EWSR1: variants seen among roughly 807,000 people sequenced by gnomAD.
The protein encoded by EWSR1 is RNA-binding protein EWS.
Under a neutral mutation model 92.1 loss-of-function variants are expected in EWSR1, and 14 were observed. The ratio of observed to expected loss-of-function variants is 0.15; its 90% CI spans 0.10 to 0.24. EWSR1 has a LOEUF of 0.24. EWSR1 is among the 10% of genes least tolerant of loss of function. EWSR1 has a pLI of 1.00. For synonymous variants in EWSR1, 303 were observed against 292.9 expected, an observed-to-expected ratio of 1.03 and a Z score of -0.35; for missense variants, 637 against 870.9, an observed-to-expected ratio of 0.73 and a Z score of 3.38.
chr22:29,298,586 A>G, intron 13 of EWSR1, 147 bp from the exon 14 acceptor site: 1 of 914,118 alleles, frequency 1.1e-6, no homozygotes. Context: ...AAGGGGGCTG[A>G]TGGCCTGAGC....
At chr22:29,274,293 C>T in intron 4 of EWSR1, 1 of 1,613,598 alleles carries the variant, frequency 6.2e-7, no homozygotes, top group Non-Finnish European at 8.5e-7. Context: ...GTTTGACTAT[C>T]CTGCTCATTC....
chr22:29,292,169 G>A lies in EWSR1; in HGVS notation c.1045G>A (p.Gly349Ser). The part of the protein sequence containing the change: ...PMDEGPDLDL[G>S]PPVDPDEDSD... The stretch of plus-strand genomic sequence containing the variant: ...GGATGAAGGACCAGATCTTGATCTA[G>A]GTAATTTTGAATTCTAGTTGTGCTT... Residue 349 changes from glycine (G) to serine (S), a missense_variant and splice_region_variant, in exon 10 of 17, where the codon GGC (glycine) becomes AGC (serine). By Grantham distance (56) the Gly-to-Ser change is moderately conservative. Transcript: ENST00000397938. 6.2e-7 allele frequency: 1 copy of A among 1,613,918 alleles called. No homozygotes were observed. The highest frequency in any genetic ancestry group is 8.5e-7 in the Non-Finnish European group (1 of 1,179,796).
At chr22:29,275,208 A>G (rs2146898225) in intron 4 of EWSR1, among the ~76,000 whole-genome samples, 1 of 152,352 alleles carries the variant, frequency 6.6e-6, no homozygotes, top group South Asian at 2.1e-4. Flanking sequence ...TTGTGAGATA[A>G]ACTTCATGTA....
intron 5 of EWSR1, among the ~76,000 whole-genome samples, chr22:29,280,382 T>C (rs1310526671): frequency 6.6e-6 from 1 of 152,096 alleles, no homozygotes; most frequent in African/African-American, 2.4e-5. Flanking sequence ...TGTTGATTCT[T>C]TGGACTTTGC....
rs1036611886 is a variant in EWSR1, at chr22:29,300,342, C to T, written c.*181C>T. 2.3e-5 allele frequency: 14 copies of T among 606,048 alleles called. No homozygotes were observed. Among genetic ancestry groups the T allele is most frequent in the Middle Eastern group, 4.7e-4 (1 of 2,108 alleles). The allele number at this position is 606,048 out of a possible 1,614,324, so 37.5% of individuals were successfully genotyped here. A position where few individuals can be genotyped will look rare whatever the true frequency, so the allele number is the denominator to read the frequency against. ...TTAAAACAAGTTAAATGGTAGTGTG[C>T]GGAGTTTTTTTTTCTTCCTTCTTTT... is the stretch of plus-strand genomic sequence containing the variant. On this transcript the variant is annotated 3_prime_UTR_variant, in exon 17 of 17. Transcript: ENST00000397938.
intron 14 of EWSR1, 158 bp from the exon 15 acceptor site, chr22:29,299,076 C>T (rs946693809): frequency 2.8e-6 from 4 of 1,446,672 alleles, no homozygotes; most frequent in Admixed American, 2.0e-5. Flanking sequence ...TTGATTTGAC[C>T]TGTCCTGTGG....
At chr22:29,285,531 G>C (rs192476072) in intron 6 of EWSR1, among the ~76,000 whole-genome samples, 1 of 151,490 alleles carries the variant, frequency 6.6e-6, no homozygotes, top group East Asian at 1.9e-4. Flanking sequence ...CCTTCATTCT[G>C]AAGTTTCCTC....
At chr22:29,286,324 A>AATC (rs2060028200) in intron 6 of EWSR1, among the ~76,000 whole-genome samples, 1 of 151,698 alleles carries the variant, frequency 6.6e-6, no homozygotes, top group Non-Finnish European at 1.5e-5. Context: ...GCTGAAAATG[A>AATC]CCATTGTTTT....
At position 29,268,357 on chromosome 22, in the gene EWSR1, T is replaced by C. The variant is rs765303745; in HGVS notation, c.13+8T>C. On this transcript the variant is annotated splice_region_variant and intron_variant, in intron 1 of 16. Transcript: ENST00000397938. ...AGAAAATGGCGTCCACGGGTGAGTA[T>C]GGTGGAACTGCGGTCGCGCCGGCGG... The C allele has an allele frequency of 2.5e-6, 4 of 1,614,066 alleles. No individual in the cohort carries two copies. Among genetic ancestry groups the C allele is most frequent in the Middle Eastern group, 1.7e-4 (1 of 6,060 alleles).
intron 5 of EWSR1, among the ~76,000 whole-genome samples, chr22:29,280,357 C>T (rs186389887): frequency 1.7e-3 from 266 of 152,208 alleles, no homozygotes; most frequent in African/African-American, 6.0e-3. Context: ...TGTGAGCCAC[C>T]GCACCCGGCC....
intron 3 of EWSR1, among the ~76,000 whole-genome samples, chr22:29,273,501 A>G (rs987748730): frequency 6.6e-6 from 1 of 152,146 alleles, no homozygotes; most frequent in Non-Finnish European, 1.5e-5. Context: ...TGTGAATGAC[A>G]TTGCCTACTT....
At chr22:29,298,281 G>A (rs944473818) in intron 13 of EWSR1, among the ~76,000 whole-genome samples, 1 of 152,078 alleles carries the variant, frequency 6.6e-6, no homozygotes, top group African/African-American at 2.4e-5. Flanking sequence ...TGAGGTGGGC[G>A]GATCACCTGA....
chr22:29,269,935 G>A (rs2058524410), intron 1 of EWSR1, among the ~76,000 whole-genome samples: 1 of 152,206 alleles, frequency 6.6e-6, no homozygotes, highest in South Asian at 2.1e-4. Flanking sequence ...TTACAGTTGT[G>A]GTTTCTGTTG....
intron 1 of EWSR1, 68 bp downstream of exon 1, chr22:29,268,417 C>G: frequency 6.2e-7 from 1 of 1,613,148 alleles, no homozygotes; most frequent in Non-Finnish European, 8.5e-7. Flanking sequence ...TCGTTCGTCT[C>G]TGGGCTTGGC....
chr22:29,291,006 C>G (rs1189778513), intron 8 of EWSR1: 1 of 236,684 alleles, frequency 4.2e-6, no homozygotes, highest in Non-Finnish European at 8.3e-6. Flanking sequence ...ATTGTTAAAT[C>G]TATTCGTGCC....
chr22:29,285,135 T>TC (rs1259074466), intron 6 of EWSR1, among the ~76,000 whole-genome samples: 1 of 146,326 alleles, frequency 6.8e-6, no homozygotes, highest in Non-Finnish European at 1.5e-5. Context: ...TTTTTTTTTT[T>TC]TTTTTTGAGA....
At position 29,292,166 on chromosome 22, in the gene EWSR1, C is replaced by T. The variant is rs1248585912; in HGVS notation, c.1042C>T (p.Leu348=). 4.3e-6 allele frequency: 7 copies of T among 1,613,718 alleles called. 1 individual carries two copies. The highest frequency in any genetic ancestry group is 4.2e-6 in the Non-Finnish European group (5 of 1,179,762). The part of the protein sequence containing the change: ...GPMDEGPDLD[L]GPPVDPDEDS... ...CATGGATGAAGGACCAGATCTTGAT[C>T]TAGGTAATTTTGAATTCTAGTTGTG... Residue 348 remains leucine (L), a synonymous_variant, in exon 10 of 17, where the codon CTA becomes TTA. Transcript: ENST00000397938.
chr22:29,291,217 C>T (rs988311706), intron 8 of EWSR1: 1 of 297,078 alleles, frequency 3.4e-6, no homozygotes, highest in Non-Finnish European at 6.2e-6. Context: ...TTAACCCCCA[C>T]TTGCTCCTCC....
At chr22:29,279,916 T>A (rs1189386250) in intron 5 of EWSR1, among the ~76,000 whole-genome samples, 1 of 152,266 alleles carries the variant, frequency 6.6e-6, no homozygotes, top group Non-Finnish European at 1.5e-5. Flanking sequence ...GAATTGGGTT[T>A]TGATAAGTCA....
Sources: allele counts gnomAD v4.1 joint callset (sites outside exome capture counted in the v4.1 genomes callset), GRCh38; gene constraint gnomAD v4.1.1; transcripts MANE v1.5; gene names NCBI Gene and HGNC (gene_info 2026-07-23, HGNC 2026-07-21).